The following ATP9B variants were observed in gnomAD, a reference collection of about 807,000 sequenced individuals.
The protein encoded by ATP9B is probable phospholipid-transporting ATPase IIB.
Under a neutral mutation model 146.1 loss-of-function variants are expected in ATP9B, and 110 were observed. The observed-to-expected ratio is 0.75, with a 90% CI of 0.65 to 0.88. The LOEUF is 0.88. ATP9B is among the 40% of genes least tolerant of loss of function. ATP9B has a pLI of 0.00. For synonymous variants in ATP9B, 604 were observed against 569.7 expected, an observed-to-expected ratio of 1.06 and a Z score of -0.86; for missense variants, 1,499 against 1,496.4, an observed-to-expected ratio of 1.00 and a Z score of -0.03.
At chr18:79,258,083 T>A (rs1453211981) in intron 12 of ATP9B, among the ~76,000 whole-genome samples, 2 of 152,228 alleles carry the variant, frequency 1.3e-5, no homozygotes, top group Admixed American at 1.3e-4. Context: ...GAAAAATTAA[T>A]TATAGTTATG....
At chr18:79,129,732 G>A (rs958858251) in intron 5 of ATP9B, among the ~76,000 whole-genome samples, 4 of 151,974 alleles carry the variant, frequency 2.6e-5, no homozygotes, top group African/African-American at 7.2e-5. Context: ...TATAATGTAT[G>A]TCCAGTTTTC....
At chr18:79,174,668 C>T (rs781605370) in intron 7 of ATP9B, among the ~76,000 whole-genome samples, 2 of 152,168 alleles carry the variant, frequency 1.3e-5, no homozygotes, top group Non-Finnish European at 2.9e-5. Flanking sequence ...ATACACAAAA[C>T]AACCATGTTA....
intron 8 of ATP9B, among the ~76,000 whole-genome samples, chr18:79,192,714 G>A (rs2095379791): frequency 6.6e-6 from 1 of 152,236 alleles, no homozygotes; most frequent in Non-Finnish European, 1.5e-5. Context: ...CTTCATGGCT[G>A]TAAGGAAGGC....
chr18:79,229,114 A>C (rs1304385520), intron 11 of ATP9B, among the ~76,000 whole-genome samples: 2 of 152,216 alleles, frequency 1.3e-5, no homozygotes, highest in Non-Finnish European at 2.9e-5. Context: ...ATTTGTGCTA[A>C]TGTTACTGTT....
At chr18:79,216,381 C>T (rs983349261) in intron 11 of ATP9B, among the ~76,000 whole-genome samples, 3 of 152,208 alleles carry the variant, frequency 2.0e-5, no homozygotes, top group African/African-American at 7.2e-5. Context: ...TGTCCCTCAG[C>T]CTCTTCACCC....
At chr18:79,285,353 G>A (rs1255271917) in intron 13 of ATP9B, among the ~76,000 whole-genome samples, 1 of 152,156 alleles carries the variant, frequency 6.6e-6, no homozygotes, top group Non-Finnish European at 1.5e-5. Flanking sequence ...GTTTTGATTT[G>A]CATTTCTCTG....
chr18:79,157,493 C>T (rs1183659396), intron 7 of ATP9B, among the ~76,000 whole-genome samples: 1 of 146,806 alleles, frequency 6.8e-6, no homozygotes, highest in Non-Finnish European at 1.5e-5. Flanking sequence ...CAGGGTAATA[C>T]TGGCCTTAGT....
intron 4 of ATP9B, among the ~76,000 whole-genome samples, chr18:79,124,916 A>G (rs536487661): frequency 3.1e-4 from 47 of 152,304 alleles, no homozygotes; most frequent in African/African-American, 1.1e-3. Context: ...GGCTGAGGCC[A>G]GCTTTGGGGT....
chr18:79,078,731 A>G (rs79088061), intron 1 of ATP9B, among the ~76,000 whole-genome samples: 3,140 of 151,034 alleles, frequency 0.021, 104 homozygotes, highest in African/African-American at 0.071. Flanking sequence ...TTGCATAGGT[A>G]TACACATGCT....
intron 29 of ATP9B, chr18:79,375,628 G>A: frequency 1.0e-6 from 1 of 985,464 alleles, no homozygotes; most frequent in Non-Finnish European, 1.2e-6. Context: ...TCAGGGGCTT[G>A]GTGGCCCTGA....
rs546904477 is a variant in ATP9B at position 79,122,895 on chromosome 18, G to T, written c.559-3372G>T. Among the ~76,000 whole-genome samples the T allele has an allele frequency of 3.9e-5, 6 of 152,064 alleles. No individual in the cohort carries two copies. In the East Asian group the frequency reaches 1.2e-3, roughly 29 times the overall value. On this transcript the variant is annotated intron_variant, in intron 4 of 29. Transcript: ENST00000426216. ...AAGAAACTGGCCATCATTCCCTATT[G>T]TATATTCTTCACTCTATTATGGAGA...
intron 7 of ATP9B, among the ~76,000 whole-genome samples, chr18:79,175,056 C>T (rs1338079308): frequency 6.6e-6 from 1 of 151,908 alleles, no homozygotes; most frequent in Non-Finnish European, 1.5e-5. Flanking sequence ...AAAAAATTAG[C>T]TGGGCATGGT....
chr18:79,132,836 G>T (rs556396676), intron 5 of ATP9B, among the ~76,000 whole-genome samples: 7 of 152,164 alleles, frequency 4.6e-5, no homozygotes, highest in African/African-American at 1.4e-4. Flanking sequence ...TAAACTGGAA[G>T]AATGTTCTCT....
Position 79,305,451 on chromosome 18 carries a change from A to AG in ATP9B, c.1525-1535_1525-1534insG, listed in dbSNP as rs2096615411. 3.9e-5 allele frequency among the ~76,000 whole-genome samples: 6 copies of AG among 152,204 alleles called. No homozygotes were observed. The South Asian group carries it at 1.2e-3, about 32-fold the overall frequency. On this transcript the variant is annotated intron_variant, in intron 14 of 29. Coordinates refer to ENST00000426216, the MANE Select transcript of ATP9B (RefSeq NM_198531.5). ...ACATACGTACACAGCCAAACACTTT[A>AG]TTATTTTGGATGTAATTCATTTAGA...
intron 13 of ATP9B, among the ~76,000 whole-genome samples, chr18:79,302,132 A>G (rs1034164637): frequency 4.6e-5 from 7 of 152,218 alleles, no homozygotes; most frequent in African/African-American, 7.2e-5. Flanking sequence ...CAACCATAAA[A>G]TTGGGTTTTA....
At position 79,239,207 on chromosome 18, in the gene ATP9B, T is replaced by TG. The variant is rs574494682; in HGVS notation, c.1108-14170dup. ...TGCAGAAAGCATGCAGGGAGGTGTC[T>TG]GGGGCGAGACAGGGCCTGGCCCTGG... is the stretch of plus-strand genomic sequence containing the variant. On this transcript the variant is annotated intron_variant, in intron 11 of 29. Transcript: ENST00000426216. This position sits in a 1 kb window ranked among gnomAD's most constrained non-coding sequence, Gnocchi z 5.1. Among the ~76,000 whole-genome samples the TG allele has an allele frequency of 3.4e-3, 513 of 152,238 alleles. 3 individuals are homozygous for TG. The highest frequency in any genetic ancestry group is 0.012 in the African/African-American group (489 of 41,538).
intron 14 of ATP9B, among the ~76,000 whole-genome samples, chr18:79,303,993 TGTA>T (rs1380090956): frequency 9.9e-5 from 15 of 152,238 alleles, no homozygotes; most frequent in Non-Finnish European, 1.9e-4. Flanking sequence ...CAGTAAACAT[TGTA>T]GTTGAAGAAT....
chr18:79,167,319 G>A (rs1417632741), intron 7 of ATP9B, among the ~76,000 whole-genome samples: 2 of 152,316 alleles, frequency 1.3e-5, no homozygotes, highest in East Asian at 3.9e-4. Context: ...AAGGCAAAGA[G>A]GTGGTTTATT....
intron 13 of ATP9B, among the ~76,000 whole-genome samples, chr18:79,286,159 T>G (rs1487729685): frequency 2.4e-3 from 361 of 151,014 alleles, no homozygotes; most frequent in African/African-American, 8.3e-3. Flanking sequence ...GTGAAGAAAG[T>G]CATTGGTAGC....
Sources: allele counts gnomAD v4.1 joint callset (sites outside exome capture counted in the v4.1 genomes callset), GRCh38; gene constraint gnomAD v4.1.1; non-coding constraint Gnocchi (gnomAD v3.1); transcripts MANE v1.5; gene names NCBI Gene and HGNC (gene_info 2026-07-23, HGNC 2026-07-21).